Variants in NDE1 observed in about 807,000 individuals in gnomAD.
NDE1 encodes the protein nudE neurodevelopment protein 1.
NDE1 carries 28 observed loss-of-function variants against 43.4 expected under a neutral mutation model. The observed-to-expected ratio is 0.65, with a 90% CI of 0.48 to 0.89. The LOEUF (loss-of-function observed/expected upper bound fraction) is 0.89. Among genes scored for constraint, NDE1 ranks in the 40% least tolerant of loss-of-function variants. NDE1 has a pLI of 0.00. For missense variants in NDE1, 441 were observed against 434.1 expected (o/e 1.02, Z -0.14); for synonymous variants, 184 against 172.0 (o/e 1.07, Z -0.55).
chr16:15,716,714 A>G (rs894679185), intron 8 of NDE1, among the ~76,000 whole-genome samples: 2 of 152,104 alleles, frequency 1.3e-5, no homozygotes, highest in African/African-American at 4.8e-5. Flanking sequence ...GGGTTTCACC[A>G]TGTTGGCCAG....
At chr16:15,724,060 G>A (rs1318594894) in intron 8 of NDE1, 131 bp from the exon 9 acceptor site, 2 of 1,581,598 alleles carry the variant, frequency 1.3e-6, no homozygotes, top group East Asian at 2.2e-5. Flanking sequence ...AGAGTGGAGA[G>A]GGGATGCAGG....
chr16:15,689,797 A>G (rs1054653887), intron 5 of NDE1, among the ~76,000 whole-genome samples: 1 of 151,834 alleles, frequency 6.6e-6, no homozygotes, highest in African/African-American at 2.4e-5. Context: ...AAAATTAGCC[A>G]GGTGTGGTGG....
chr16:15,690,353 CTTTTTTTTTTTTTTTTTTTTT>C (rs869069843), intron 5 of NDE1, among the ~76,000 whole-genome samples: 1 of 80,950 alleles, frequency 1.2e-5, no homozygotes, highest in Admixed American at 1.9e-4. Flanking sequence ...TTTTTTTTTT[CTTTTTTTTTTTTTTTTTTTTT>C]TTTTTTTGAG....
At chr16:15,679,611 C>T (rs2038070493) in intron 4 of NDE1, among the ~76,000 whole-genome samples, 2 of 152,110 alleles carry the variant, frequency 1.3e-5, no homozygotes, top group African/African-American at 4.8e-5. Context: ...GGTTTCTTGA[C>T]ATCCTTGAGC....
At chr16:15,661,785 G>A (rs1401764088) in intron 1 of NDE1, among the ~76,000 whole-genome samples, 3 of 152,006 alleles carry the variant, frequency 2.0e-5, no homozygotes, top group Non-Finnish European at 4.4e-5. Context: ...GGATGGTGGC[G>A]GCACCCAATT....
intron 4 of NDE1, among the ~76,000 whole-genome samples, chr16:15,681,870 C>G (rs745874196): frequency 6.6e-6 from 1 of 152,008 alleles, no homozygotes; most frequent in Non-Finnish European, 1.5e-5. Context: ...CCCACTGCCA[C>G]GCCTGGCTAA....
At chr16:15,716,127 C>A (rs981706341) in intron 8 of NDE1, among the ~76,000 whole-genome samples, 1 of 151,958 alleles carries the variant, frequency 6.6e-6, no homozygotes, top group African/African-American at 2.4e-5. Context: ...AAAAGTCTTG[C>A]TATGCTGCCC....
intron 2 of NDE1, among the ~76,000 whole-genome samples, chr16:15,666,494 A>G (rs530082690): frequency 6.6e-6 from 1 of 152,276 alleles, no homozygotes; most frequent in South Asian, 2.1e-4. Context: ...TTATAGTCTC[A>G]GCTACTTGGG....
intron 8 of NDE1, chr16:15,719,432 G>C: frequency 6.8e-7 from 1 of 1,467,868 alleles, no homozygotes; most frequent in Non-Finnish European, 9.4e-7. Flanking sequence ...GGGAGGCCCC[G>C]TGAATACATA....
At chr16:15,717,179 T>G in intron 8 of NDE1, 1 of 1,614,198 alleles carries the variant, frequency 6.2e-7, no homozygotes, top group South Asian at 1.1e-5. Context: ...CTGTGCAATC[T>G]TGGCCTCCAG....
At chr16:15,714,522 A>G in intron 8 of NDE1, 1 of 355,166 alleles carries the variant, frequency 2.8e-6, no homozygotes, top group East Asian at 6.4e-5. Flanking sequence ...AAGGAGGAGC[A>G]GAGCATGTCA....
At chr16:15,700,919 C>G (rs973428327) in intron 8 of NDE1, among the ~76,000 whole-genome samples, 1 of 152,088 alleles carries the variant, frequency 6.6e-6, no homozygotes, top group African/African-American at 2.4e-5. Context: ...GAACAGAGAA[C>G]TTAACAGTCA....
intron 8 of NDE1, among the ~76,000 whole-genome samples, chr16:15,709,440 G>A (rs1474031818): frequency 1.3e-5 from 2 of 151,844 alleles, no homozygotes; most frequent in South Asian, 2.1e-4. Flanking sequence ...TCAGCCTCCC[G>A]AGTAGCTGGG....
intron 5 of NDE1, among the ~76,000 whole-genome samples, chr16:15,688,141 A>G (rs1555543501): frequency 1.3e-5 from 2 of 152,160 alleles, no homozygotes; most frequent in Non-Finnish European, 2.9e-5. Context: ...GCACCAGTGC[A>G]CTCCAGCCTG....
chr16:15,669,360 A>ATT (rs1187758200), intron 3 of NDE1, among the ~76,000 whole-genome samples: 45 of 125,558 alleles, frequency 3.6e-4, no homozygotes, highest in Non-Finnish European at 5.9e-4. Flanking sequence ...CGCCTGGCTA[A>ATT]TTTTTTTTTT....
intron 8 of NDE1, chr16:15,718,585 GTTACACAGCCAGGAA>G: frequency 8.1e-7 from 1 of 1,241,170 alleles, no homozygotes; most frequent in Non-Finnish European, 1.1e-6. Context: ...CTCATCTGTA[GTTACACAGCCAGGAA>G]GTGGACAGCC....
At chr16:15,716,652 G>A (rs2040165552) in intron 8 of NDE1, among the ~76,000 whole-genome samples, 1 of 152,178 alleles carries the variant, frequency 6.6e-6, no homozygotes, top group South Asian at 2.1e-4. Flanking sequence ...CTCCTGAGTA[G>A]CTGAGATAAT....
At chr16:15,679,902 C>T (rs145585430) in intron 4 of NDE1, among the ~76,000 whole-genome samples, 2,204 of 152,242 alleles carry the variant, frequency 0.014, 49 homozygotes, top group African/African-American at 0.048. Context: ...CCTCAACCTC[C>T]GGAGTAGCTG....
chr16:15,702,413 G>C (rs1204910298), intron 8 of NDE1, among the ~76,000 whole-genome samples: 2 of 152,098 alleles, frequency 1.3e-5, no homozygotes, highest in Non-Finnish European at 2.9e-5. Context: ...TGGTGTGAGA[G>C]ACAAGGTGTT....
Sources: gnomAD v4.1 joint callset for allele counts (sites outside exome capture counted in the v4.1 genomes callset) on GRCh38, gnomAD v4.1.1 for gene constraint, MANE v1.5 for transcripts, NCBI Gene and HGNC (gene_info 2026-07-23, HGNC 2026-07-21) for gene names.